PSMD1: variants seen among roughly 807,000 people sequenced by gnomAD.
PSMD1 encodes the protein 26S proteasome non-ATPase regulatory subunit 1.
A neutral mutation model predicts 119.0 loss-of-function variants in PSMD1; 18 were observed. The ratio of observed to expected loss-of-function variants is 0.15; its 90% confidence interval spans 0.10 to 0.22. The LOEUF (loss-of-function observed/expected upper bound fraction) is 0.22. Ranked by LOEUF, PSMD1 falls within the 10% of genes least tolerant of loss-of-function variation. The pLI, the probability that PSMD1 is intolerant of heterozygous loss-of-function variation, is 1.00. For synonymous variants in PSMD1, 374 were observed against 396.6 expected, an observed-to-expected ratio of 0.94 and a Z score of 0.68; for missense variants, 702 against 1,158.5, an observed-to-expected ratio of 0.61 and a Z score of 5.72.
At chr2:231,108,808 C>T (rs2125203493) in intron 16 of PSMD1, 2 of 1,614,072 alleles carry the variant, frequency 1.2e-6, no homozygotes, top group Non-Finnish European at 1.7e-6. Flanking sequence ...CCCGAAATGT[C>T]TTATTGAAGA....
intron 19 of PSMD1, among the ~76,000 whole-genome samples, chr2:231,156,505 C>T (rs1696510344): frequency 6.6e-6 from 1 of 152,056 alleles, no homozygotes; most frequent in Non-Finnish European, 1.5e-5. Flanking sequence ...CTATTTATCC[C>T]TCCTTGCCCT....
chr2:231,138,061 C>T lies in PSMD1; in HGVS notation c.1884-675C>T, dbSNP rs542961415. ...CTTACATTCTCTTCTAGTTATTACC[C>T]TAGTCCTGCTGCTCTTCAAGGATAG... On this transcript the variant is annotated intron_variant, in intron 16 of 24. Transcript: ENST00000308696. Among the ~76,000 whole-genome samples the T allele has an allele frequency of 1.6e-4, 24 of 152,286 alleles. 2 individuals are homozygous for T. The South Asian group carries it at 5.0e-3, about 32-fold the overall frequency.
At chr2:231,079,084 C>T (rs776727913) in intron 10 of PSMD1, among the ~76,000 whole-genome samples, 13 of 152,136 alleles carry the variant, frequency 8.5e-5, no homozygotes, top group Non-Finnish European at 1.5e-4. Flanking sequence ...CGTGAGCCAC[C>T]GCACCCGGCC....
chr2:231,110,187 G>A (rs1164152399), intron 16 of PSMD1, among the ~76,000 whole-genome samples: 1 of 152,088 alleles, frequency 6.6e-6, no homozygotes, highest in African/African-American at 2.4e-5. Context: ...AGGCATGGTG[G>A]CACGCGCCTG....
intron 6 of PSMD1, among the ~76,000 whole-genome samples, chr2:231,071,730 A>T (rs1019282820): frequency 6.6e-6 from 1 of 152,216 alleles, no homozygotes; most frequent in Non-Finnish European, 1.5e-5. Context: ...ACAATGGCAG[A>T]TCATAAGAGT....
chr2:231,103,819 T>C (rs1485212707), intron 16 of PSMD1, among the ~76,000 whole-genome samples: 1 of 152,156 alleles, frequency 6.6e-6, no homozygotes, highest in African/African-American at 2.4e-5. Context: ...GGAAGCAAAA[T>C]AAAATTTAAT....
intron 16 of PSMD1, among the ~76,000 whole-genome samples, chr2:231,115,762 T>G (rs1432875918): frequency 6.6e-6 from 1 of 152,104 alleles, no homozygotes; most frequent in Non-Finnish European, 1.5e-5. Context: ...TATCTGAAAG[T>G]GTTATTTAGA....
intron 16 of PSMD1, chr2:231,108,437 T>C: frequency 7.0e-6 from 7 of 995,370 alleles, no homozygotes; most frequent in Non-Finnish European, 1.1e-5. Flanking sequence ...TAAAATTCTT[T>C]ATATAATATA....
chr2:231,070,365 C>T (rs1237120833), intron 6 of PSMD1, among the ~76,000 whole-genome samples, 197 bp downstream of exon 6: 2 of 152,076 alleles, frequency 1.3e-5, no homozygotes, highest in Admixed American at 6.5e-5. Flanking sequence ...TCTCACAACA[C>T]TAAAAAGCTA....
intron 16 of PSMD1, among the ~76,000 whole-genome samples, chr2:231,090,376 C>T (rs1243116801): frequency 3.3e-5 from 5 of 152,036 alleles, no homozygotes; most frequent in Admixed American, 6.6e-5. Flanking sequence ...ACCCTGTCTG[C>T]GGTGAAACCT....
intron 17 of PSMD1, among the ~76,000 whole-genome samples, chr2:231,143,393 C>T (rs1015053051): frequency 6.6e-6 from 1 of 152,158 alleles, no homozygotes; most frequent in African/African-American, 2.4e-5. Flanking sequence ...CCACGCCCAG[C>T]TAATTTTTGT....
intron 1 of PSMD1, among the ~76,000 whole-genome samples, chr2:231,057,790 A>G (rs970191029): frequency 6.6e-6 from 1 of 152,252 alleles, no homozygotes; most frequent in African/African-American, 2.4e-5. Context: ...CAATGGAGTA[A>G]GTTACAGAGA....
intron 16 of PSMD1, among the ~76,000 whole-genome samples, chr2:231,090,965 G>A (rs1297275300): frequency 1.3e-5 from 2 of 152,150 alleles, no homozygotes; most frequent in Non-Finnish European, 1.5e-5. Context: ...TGAAATGTTA[G>A]GTGTAGGAAA....
chr2:231,088,865 C>T (rs1037566455), intron 16 of PSMD1, among the ~76,000 whole-genome samples: 3 of 152,150 alleles, frequency 2.0e-5, no homozygotes, highest in Non-Finnish European at 4.4e-5. Flanking sequence ...CCAAGATAGA[C>T]CAAAGGTAGG....
At chr2:231,154,612 CA>C (rs1211116757) in intron 19 of PSMD1, among the ~76,000 whole-genome samples, 1 of 152,164 alleles carries the variant, frequency 6.6e-6, no homozygotes, top group African/African-American at 2.4e-5. Context: ...AGACTACAAG[CA>C]TATGTCACCA....
intron 18 of PSMD1, among the ~76,000 whole-genome samples, 185 bp downstream of exon 18, chr2:231,146,541 AT>A (rs943043600): frequency 1.9e-5 from 2 of 107,610 alleles, no homozygotes; most frequent in Non-Finnish European, 3.3e-5. Flanking sequence ...CTTTAAATGT[AT>A]TTTTTAGACT....
At chr2:231,082,845 A>G in intron 12 of PSMD1, 38 bp from the exon 13 acceptor site, 1 of 1,438,904 alleles carries the variant, frequency 6.9e-7, no homozygotes, top group East Asian at 2.3e-5. Context: ...TGTTAAGTAC[A>G]GTGTACCAAA....
intron 16 of PSMD1, among the ~76,000 whole-genome samples, chr2:231,093,817 T>C (rs963247610): frequency 2.6e-5 from 4 of 152,180 alleles, no homozygotes; most frequent in African/African-American, 2.4e-5. Flanking sequence ...TATGTTCTAC[T>C]GTCCTTGGGG....
intron 16 of PSMD1, chr2:231,113,788 T>G (rs890490799): frequency 1.2e-6 from 2 of 1,614,132 alleles, no homozygotes. Flanking sequence ...TGAGTTATAT[T>G]GATTGGCCTG....
Sources: gnomAD v4.1 joint callset for allele counts (sites outside exome capture counted in the v4.1 genomes callset) on GRCh38, gnomAD v4.1.1 for gene constraint, MANE v1.5 for transcripts, NCBI Gene and HGNC (gene_info 2026-07-23, HGNC 2026-07-21) for gene names.